The following PCDHGB1 variants were observed in gnomAD, a reference collection of about 807,000 sequenced individuals.
The protein encoded by PCDHGB1 is protocadherin gamma-B1.
PCDHGB1 carries 34 observed loss-of-function variants against 56.6 expected under a neutral mutation model. That is an observed-to-expected ratio of 0.60 (90% CI 0.46 to 0.80). The LOEUF is 0.80. Among genes scored for constraint, PCDHGB1 ranks in the 30% least tolerant of loss-of-function variants. The probability of loss-of-function intolerance (pLI) is 0.00; values close to 1 mark genes in which losing one functional copy is unlikely to be tolerated. For missense variants in PCDHGB1, 1,278 were observed against 1,204.6 expected, an observed-to-expected ratio of 1.06 and a Z score of -0.90; for synonymous variants, 561 against 505.9, an observed-to-expected ratio of 1.11 and a Z score of -1.46.
intron 1 of PCDHGB1, chr5:141,398,042 T>C: frequency 6.7e-7 from 1 of 1,495,000 alleles, no homozygotes; most frequent in East Asian, 2.4e-5. Context: ...CTAAAGCCCG[T>C]TCGGAGATCC....
chr5:141,432,521 G>A lies in PCDHGB1; in HGVS notation c.2410-62286G>A. The stretch of plus-strand genomic sequence containing the variant: ...CCGCTCCGCAGAGCCCGGCTACCTG[G>A]TGACCAAGGTGGTGGCGGTGGACAG... On this transcript the variant is annotated intron_variant, in intron 1 of 3. Coordinates refer to ENST00000523390, the MANE Select transcript of PCDHGB1 (RefSeq NM_018922.3). The surrounding 1 kb of genome is among the most constrained non-coding windows in gnomAD (Gnocchi z 6.0). The A allele has an allele frequency of 6.2e-7, 1 of 1,614,112 alleles. No homozygotes were observed. Among genetic ancestry groups the A allele is most frequent in the Non-Finnish European group, 8.5e-7 (1 of 1,180,028 alleles).
chr5:141,371,809 C>T lies in PCDHGB1; in HGVS notation c.2409+19140C>T, dbSNP rs1768063576. The T allele has an allele frequency of 2.5e-6, 4 of 1,613,910 alleles. No homozygotes were observed. In the East Asian group the frequency reaches 6.7e-5, roughly 27 times the overall value. ...AACAATCCGCCTGGAGCCTCCATTG[C>T]GCATGTCAGAGCCTCGGATCCCGAC... is the stretch of plus-strand genomic sequence containing the variant. On this transcript the variant is annotated intron_variant, in intron 1 of 3. Transcript: ENST00000523390.
chr5:141,385,508 G>T (rs1430201636), intron 1 of PCDHGB1: 6 of 1,372,088 alleles, frequency 4.4e-6, no homozygotes, highest in Non-Finnish European at 5.6e-6. Flanking sequence ...TATTTCTTTA[G>T]TGAAAGCCTA....
rs753472869 is a variant in PCDHGB1, at chr5:141,366,592, C to T, written c.2409+13923C>T. On this transcript the variant is annotated intron_variant, in intron 1 of 3. Coordinates refer to ENST00000523390, the MANE Select transcript of PCDHGB1 (RefSeq NM_018922.3). ...TTCGGGCTTTCCTGCAGACCTATTC[C>T]CACGAGGTCTCCCTCACCGCGGACT... The T allele has an allele frequency of 8.1e-6, 13 of 1,614,256 alleles. No individual in the cohort carries two copies. In the South Asian group the frequency reaches 1.4e-4, roughly 18 times the overall value.
In PCDHGB1 at chr5:141,423,270, T is replaced by G. The variant is rs1304998648; in HGVS notation, c.2409+70601T>G. 3 of 1,613,686 alleles carry G rather than the reference T, an allele frequency of 1.9e-6. No homozygotes were observed. The African/African-American group carries it at 4.0e-5, about 22-fold the overall frequency. ...TGGCGGACCTCGGCAGCCTCGAGTC[T>G]CTGGCTAACTCTGAAACCTCAGACC... is the stretch of plus-strand genomic sequence containing the variant. On this transcript the variant is annotated intron_variant, in intron 1 of 3. Transcript: ENST00000523390.
chr5:141,355,193 G>C lies in PCDHGB1; in HGVS notation c.2409+2524G>C, dbSNP rs1759749464. The C allele has an allele frequency of 3.2e-5, 51 of 1,594,318 alleles. No homozygotes were observed. In the East Asian group the frequency reaches 1.1e-3, roughly 36 times the overall value. On this transcript the variant is annotated intron_variant, in intron 1 of 3. Transcript: ENST00000523390. ...CCGAAGCACAGGCGACTCCGCGGCG[G>C]GGTTGTAATGGCGGCGCCTCCTGCT... is the stretch of plus-strand genomic sequence containing the variant.
intron 1 of PCDHGB1, chr5:141,357,255 C>T (rs1760523237): frequency 3.1e-6 from 5 of 1,613,736 alleles, no homozygotes; most frequent in Non-Finnish European, 4.2e-6. Flanking sequence ...CAGACCCAGA[C>T]GACTCGGGCC....
intron 1 of PCDHGB1, chr5:141,416,766 T>C (rs906070451): frequency 2.0e-5 from 3 of 152,212 alleles, no homozygotes; most frequent in African/African-American, 7.2e-5. Context: ...GATCTCTTAA[T>C]TTTATTACTA....
At chr5:141,388,893 G>A in intron 1 of PCDHGB1, 1 of 1,613,982 alleles carries the variant, frequency 6.2e-7, no homozygotes. Context: ...AGAAGTCATA[G>A]ATGAAAATGA....
intron 2 of PCDHGB1, among the ~76,000 whole-genome samples, chr5:141,504,402 G>A (rs2099837969): frequency 6.6e-6 from 1 of 152,170 alleles, no homozygotes; most frequent in Admixed American, 6.6e-5. Context: ...AGCCAGTGTG[G>A]TGGAGGAACA....
intron 1 of PCDHGB1, chr5:141,492,006 G>T (rs2099736069): frequency 7.8e-6 from 5 of 643,420 alleles, no homozygotes; most frequent in Non-Finnish European, 1.3e-5. Context: ...GGCGATTTCC[G>T]CGGGTGTCGG....
At chr5:141,407,625 T>C (rs1354209573) in intron 1 of PCDHGB1, among the ~76,000 whole-genome samples, 2 of 152,220 alleles carry the variant, frequency 1.3e-5, no homozygotes, top group African/African-American at 4.8e-5. Context: ...ACATTCTATA[T>C]CTCGTATTAC....
intron 1 of PCDHGB1, chr5:141,422,767 G>T: frequency 6.2e-7 from 1 of 1,613,786 alleles, no homozygotes; most frequent in Non-Finnish European, 8.5e-7. Context: ...CAACACTGGT[G>T]TTCTCTATGC....
chr5:141,472,623 TAA>T (rs2099291037), intron 1 of PCDHGB1, among the ~76,000 whole-genome samples: 1 of 152,018 alleles, frequency 6.6e-6, no homozygotes, highest in Non-Finnish European at 1.5e-5. Context: ...AGAAAAAAGA[TAA>T]AGACTGGGAA....
At chr5:141,375,246 G>C in intron 1 of PCDHGB1, 1 of 1,613,930 alleles carries the variant, frequency 6.2e-7, no homozygotes, top group South Asian at 1.1e-5. Flanking sequence ...TCCATCCCGA[G>C]AAGTCTCCCA....
chr5:141,411,806 C>G (rs1276116820), intron 1 of PCDHGB1: 1 of 151,860 alleles, frequency 6.6e-6, no homozygotes, highest in Non-Finnish European at 1.5e-5. Flanking sequence ...CGCTTGAGCC[C>G]AGGAAGTCTA....
At chr5:141,368,029 A>G (rs751685709) in intron 1 of PCDHGB1, among the ~76,000 whole-genome samples, 3 of 152,216 alleles carry the variant, frequency 2.0e-5, no homozygotes, top group Non-Finnish European at 4.4e-5. Context: ...CTCAAATTCC[A>G]GGAGGATGTG....
intron 1 of PCDHGB1, chr5:141,413,563 A>G: frequency 6.2e-7 from 1 of 1,613,918 alleles, no homozygotes; most frequent in Non-Finnish European, 8.5e-7. Context: ...AGTAACTGAT[A>G]TCAATGACAA....
chr5:141,476,521 C>T lies in PCDHGB1; in HGVS notation c.2410-18286C>T. On this transcript the variant is annotated intron_variant, in intron 1 of 3. Transcript: ENST00000523390. The surrounding 1 kb of genome is among the most constrained non-coding windows in gnomAD (Gnocchi z 7.6). ...ACATCAACGACAACAATCCTGCTTT[C>T]CCTACCCAGGAAATGAAATTGGAGA... 4 of 1,614,214 alleles carry T rather than the reference C, an allele frequency of 2.5e-6. No homozygotes were observed. The highest frequency in any genetic ancestry group is 3.4e-6 in the Non-Finnish European group (4 of 1,180,036).
Sources: gnomAD v4.1 joint callset for allele counts (sites outside exome capture counted in the v4.1 genomes callset) on GRCh38, gnomAD v4.1.1 for gene constraint, Gnocchi (gnomAD v3.1) non-coding constraint, MANE v1.5 for transcripts, NCBI Gene and HGNC (gene_info 2026-07-23, HGNC 2026-07-21) for gene names.